NXPE1: variants seen among roughly 807,000 people sequenced by gnomAD.
NXPE1 encodes the protein NXPE family member 1.
Under a neutral mutation model 33.3 loss-of-function variants are expected in NXPE1, and 31 were observed. That is an observed-to-expected ratio of 0.93 (90% CI 0.70 to 1.26). The LOEUF is 1.26. Among genes scored for constraint, NXPE1 ranks in the 50% most tolerant of loss-of-function variants. NXPE1 has a pLI of 0.00. For synonymous variants in NXPE1, 229 were observed against 231.4 expected (o/e 0.99, Z 0.09); for missense variants, 661 against 655.6 (o/e 1.01, Z -0.09).
At chr11:114,528,385 T>C (rs1398390850) in intron 6 of NXPE1, among the ~76,000 whole-genome samples, 1 of 152,188 alleles carries the variant, frequency 6.6e-6, no homozygotes, top group East Asian at 1.9e-4. Flanking sequence ...CCCCATCATG[T>C]ACCCAAGGAA....
intron 1 of NXPE1, among the ~76,000 whole-genome samples, chr11:114,555,141 T>C (rs552586159): frequency 5.8e-4 from 88 of 152,300 alleles, no homozygotes; most frequent in African/African-American, 2.1e-3. Flanking sequence ...CTGTCTGGTA[T>C]AGATATTTCT....
intron 1 of NXPE1, among the ~76,000 whole-genome samples, chr11:114,557,038 G>A (rs1363870601): frequency 2.0e-5 from 3 of 151,660 alleles, no homozygotes; most frequent in South Asian, 2.1e-4. Context: ...GATTACAGGC[G>A]TGAGCCACCA....
intron 5 of NXPE1, among the ~76,000 whole-genome samples, chr11:114,533,186 A>G (rs1444923019): frequency 6.6e-6 from 1 of 152,210 alleles, no homozygotes; most frequent in Non-Finnish European, 1.5e-5. Context: ...AGATGTTGTG[A>G]CTGTTTGCAA....
At chr11:114,539,204 G>A (rs1208004414) in intron 5 of NXPE1, among the ~76,000 whole-genome samples, 2 of 149,816 alleles carry the variant, frequency 1.3e-5, no homozygotes, top group Non-Finnish European at 1.5e-5. Flanking sequence ...AATACCGCAT[G>A]TTCTCACTCA....
downstream of NXPE1, among the ~76,000 whole-genome samples, chr11:114,520,545 T>C (rs1279195651): frequency 6.6e-6 from 1 of 152,236 alleles, no homozygotes; most frequent in African/African-American, 2.4e-5. Flanking sequence ...TTCTCTGTCT[T>C]GGCTATTGTG....
chr11:114,530,995 G>A lies in NXPE1; in HGVS notation c.100-87C>T, dbSNP rs1444909002. On this transcript the variant is annotated intron_variant, in intron 5 of 8. Coordinates refer to ENST00000534921, the Ensembl canonical transcript of NXPE1. ...ATGAGTTTGAATATTTGTTTACAGT[G>A]AATATTTGTATAATTGAATTCAATT... 2.2e-5 allele frequency: 29 copies of A among 1,311,730 alleles called. No homozygotes were observed. In the South Asian group the frequency reaches 4.9e-4, roughly 22 times the overall value. 81.3% of individuals were successfully genotyped at this position (1,311,730 alleles called of 1,614,324 possible). A position where few individuals can be genotyped will look rare whatever the true frequency, so the allele number is the denominator to read the frequency against.
chr11:114,550,029 A>G (rs1358551881), intron 5 of NXPE1, among the ~76,000 whole-genome samples: 2 of 152,168 alleles, frequency 1.3e-5, no homozygotes, highest in Non-Finnish European at 1.5e-5. Flanking sequence ...CAAGATTTAT[A>G]TGAGGAAAAC....
intron 2 of NXPE1, among the ~76,000 whole-genome samples, chr11:114,552,450 G>A (rs918390323): frequency 1.3e-5 from 2 of 152,098 alleles, no homozygotes; most frequent in African/African-American, 4.8e-5. Flanking sequence ...GTCTAGCATG[G>A]TGCCTGACAA....
intron 7 of NXPE1, among the ~76,000 whole-genome samples, chr11:114,523,343 C>T (rs1349749813): frequency 6.6e-6 from 1 of 152,116 alleles, no homozygotes; most frequent in African/African-American, 2.4e-5. Flanking sequence ...TGAGCTAAAT[C>T]TTGACGTTCT....
intron 1 of NXPE1, chr11:114,553,726 G>A (rs1948581162): frequency 2.0e-6 from 2 of 985,212 alleles, no homozygotes; most frequent in South Asian, 9.4e-5. Context: ...GCATATCCCA[G>A]TGTCTTTAAG....
chr11:114,552,634 C>A (rs1319942174), intron 2 of NXPE1, among the ~76,000 whole-genome samples: 1 of 151,994 alleles, frequency 6.6e-6, no homozygotes, highest in South Asian at 2.1e-4. Flanking sequence ...GCCCCCGAGA[C>A]TGATCCAGGT....
At chr11:114,545,312 C>A (rs998450293) in intron 5 of NXPE1, among the ~76,000 whole-genome samples, 10 of 152,102 alleles carry the variant, frequency 6.6e-5, no homozygotes, top group African/African-American at 2.4e-4. Flanking sequence ...TGGAAGCAAC[C>A]AAGAGCTCTT....
At chr11:114,537,143 T>C (rs900065388) in intron 5 of NXPE1, among the ~76,000 whole-genome samples, 7 of 152,114 alleles carry the variant, frequency 4.6e-5, no homozygotes, top group East Asian at 3.8e-4. Context: ...AATCAATAAA[T>C]GTAATCCAGC....
chr11:114,522,750 G>T (rs192522393), intron 8 of NXPE1, 129 bp downstream of exon 8: 459 of 698,150 alleles, frequency 6.6e-4, no homozygotes, highest in African/African-American at 4.3e-3. Context: ...CATTTTAAAT[G>T]TAAAGGTTCA....
intron 6 of NXPE1, chr11:114,528,757 G>A: frequency 1.6e-6 from 1 of 620,932 alleles, no homozygotes; most frequent in Non-Finnish European, 3.0e-6. Context: ...AGGGGAGAAT[G>A]AGGACCCAGG....
At chr11:114,519,070 T>C (rs1947145731), downstream of NXPE1, among the ~76,000 whole-genome samples, 1 of 152,164 alleles carries the variant, frequency 6.6e-6, no homozygotes, top group African/African-American at 2.4e-5. Context: ...AAAACCAGAA[T>C]GTCTAGGCAT....
chr11:114,525,321 C>T (rs1397056033), intron 7 of NXPE1, among the ~76,000 whole-genome samples: 3 of 151,586 alleles, frequency 2.0e-5, no homozygotes, highest in African/African-American at 7.3e-5. Flanking sequence ...TAATAGTCCC[C>T]CAAAGATATC....
At chr11:114,527,931 GCCTGCTCTCTGCC>G (rs748214199) in intron 6 of NXPE1, 30 bp from the exon 7 acceptor site, 6 of 1,544,756 alleles carry the variant, frequency 3.9e-6, no homozygotes, top group Non-Finnish European at 5.3e-6. Flanking sequence ...CAATAAATTA[GCCTGCTCTCTGCC>G]CATGTAACAC....
intron 5 of NXPE1, among the ~76,000 whole-genome samples, chr11:114,533,294 A>G (rs371878063): frequency 2.6e-5 from 4 of 152,338 alleles, no homozygotes; most frequent in Admixed American, 1.3e-4. Flanking sequence ...TAGACAATAC[A>G]TTCGAGCGGG....
Sources: allele counts gnomAD v4.1 joint callset (sites outside exome capture counted in the v4.1 genomes callset), GRCh38; gene constraint gnomAD v4.1.1; transcripts MANE v1.5; gene names NCBI Gene and HGNC (gene_info 2026-07-23, HGNC 2026-07-21).